The following GARIN1B variants were observed in gnomAD, a reference collection of about 807,000 sequenced individuals.
GARIN1B encodes Golgi-associated RAB2 interactor protein 1B.
chr7:128,713,335 G>A, the GARIN1B span, among the ~76,000 whole-genome samples: 1 of 152,120 alleles, frequency 6.6e-6, no homozygotes, highest in Non-Finnish European at 1.5e-5. Context: ...GAAACAGAAT[G>A]GGTGTTGGGA....
At chr7:128,718,161 G>T in the GARIN1B span, among the ~76,000 whole-genome samples, 1 of 152,086 alleles carries the variant, frequency 6.6e-6, no homozygotes, top group East Asian at 1.9e-4. Flanking sequence ...GGCTGGGCGC[G>T]GTGGCTCGTG....
the GARIN1B span, chr7:128,715,797 G>A: frequency 9.7e-7 from 1 of 1,026,258 alleles, no homozygotes; most frequent in Admixed American, 2.0e-5. Context: ...GAGAATTGAG[G>A]CAAGGAGAAG....
At chr7:128,723,098 T>G in the GARIN1B span, 4 of 1,377,360 alleles carry the variant, frequency 2.9e-6, no homozygotes, top group Non-Finnish European at 3.8e-6. Flanking sequence ...CTTTGGAAAA[T>G]TTTGAGTTCC....
the GARIN1B span, among the ~76,000 whole-genome samples, chr7:128,717,571 C>T: frequency 6.6e-5 from 10 of 151,454 alleles, no homozygotes; most frequent in Admixed American, 2.6e-4. Context: ...CTCAGCCTCC[C>T]GAGTAGCTGG....
the GARIN1B span, chr7:128,727,002 T>G: frequency 1.3e-6 from 1 of 765,620 alleles, no homozygotes; most frequent in South Asian, 1.8e-5. Flanking sequence ...ATGCCTTAGT[T>G]TGAATTCCTT....
At chr7:128,730,670 G>A in the GARIN1B span, among the ~76,000 whole-genome samples, 180 of 149,938 alleles carry the variant, frequency 1.2e-3, 1 homozygote, top group African/African-American at 4.0e-3. Flanking sequence ...TTTTTGAGAC[G>A]GAGTCTCACT....
At chr7:128,728,729 G>T in the GARIN1B span, among the ~76,000 whole-genome samples, 9,710 of 152,214 alleles carry the variant, frequency 0.064, 633 homozygotes, top group East Asian at 0.19. Context: ...AAATATTCAA[G>T]CATAGTATTG....
the GARIN1B span, among the ~76,000 whole-genome samples, chr7:128,709,750 C>CTTTTTTTTTTTTTTT: frequency 8.7e-6 from 1 of 114,618 alleles, no homozygotes. Flanking sequence ...CTCTCTCTCT[C>CTTTTTTTTTTTTTTT]TTTTTTTTTT....
At chr7:128,724,909 A>G in the GARIN1B span, 74 of 1,274,124 alleles carry the variant, frequency 5.8e-5, no homozygotes, top group South Asian at 7.6e-5. Context: ...GGCCCAAGTC[A>G]TTGCTCTGAC....
the GARIN1B span, chr7:128,730,045 G>C: frequency 7.4e-6 from 12 of 1,613,958 alleles, no homozygotes; most frequent in Non-Finnish European, 1.0e-5. Context: ...AGCCTCCACC[G>C]GGCCACAGCT....
At chr7:128,730,244 T>C in the GARIN1B span, among the ~76,000 whole-genome samples, 25 of 152,166 alleles carry the variant, frequency 1.6e-4, no homozygotes, top group South Asian at 1.7e-3. Flanking sequence ...AGCAAAACCA[T>C]GATGTGTGGC....
At chr7:128,713,934 G>A in the GARIN1B span, 1 of 1,494,542 alleles carries the variant, frequency 6.7e-7, no homozygotes, top group Non-Finnish European at 9.0e-7. Context: ...TTATTTCCAG[G>A]GAAATGCAAA....
chr7:128,731,427 A>C, the GARIN1B span: 1 of 457,870 alleles, frequency 2.2e-6, no homozygotes, highest in Non-Finnish European at 4.0e-6. Flanking sequence ...AGGAAGCAAA[A>C]TGGAGGTGAT....
the GARIN1B span, among the ~76,000 whole-genome samples, chr7:128,728,373 G>A: frequency 6.6e-6 from 1 of 152,142 alleles, no homozygotes; most frequent in African/African-American, 2.4e-5. Flanking sequence ...ATCTGGGAAA[G>A]TGGAGGTTGC....
At chr7:128,731,388 T>C in the GARIN1B span, 1 of 529,416 alleles carries the variant, frequency 1.9e-6, no homozygotes, top group Non-Finnish European at 3.4e-6. Flanking sequence ...AGGAAAGGAG[T>C]GAAAGGGAAG....
chr7:128,724,546 A>G, the GARIN1B span, among the ~76,000 whole-genome samples: 35 of 152,256 alleles, frequency 2.3e-4, no homozygotes, highest in African/African-American at 7.9e-4. Flanking sequence ...CAGATGACTT[A>G]GCATTAAGTC....
At chr7:128,725,035 GC>G in the GARIN1B span, 1 of 339,180 alleles carries the variant, frequency 2.9e-6, no homozygotes, top group East Asian at 9.2e-5. Flanking sequence ...TATGCACCAA[GC>G]ACTTAGAATG....
At chr7:128,730,149 C>T in the GARIN1B span, 2 of 1,464,062 alleles carry the variant, frequency 1.4e-6, no homozygotes, top group Non-Finnish European at 1.8e-6. Flanking sequence ...ATCCTGGGGT[C>T]CTGAGGGTGA....
chr7:128,722,291 T>C, the GARIN1B span, among the ~76,000 whole-genome samples: 3 of 152,294 alleles, frequency 2.0e-5, no homozygotes, highest in African/African-American at 4.8e-5. Flanking sequence ...AGAAACTCCA[T>C]GAAGGCAGGG....
Sources: gnomAD v4.1 joint callset for allele counts (sites outside exome capture counted in the v4.1 genomes callset) on GRCh38, gnomAD v4.1.1 for gene constraint, MANE v1.5 for transcripts, NCBI Gene and HGNC (gene_info 2026-07-23, HGNC 2026-07-21) for gene names.